Variants in PHACTR1 observed in about 807,000 individuals in gnomAD.
PHACTR1 encodes the protein phosphatase and actin regulator 1, also known as RPEL repeat containing 1.
A neutral mutation model predicts 69.2 loss-of-function variants in PHACTR1; 16 were observed. That is an observed-to-expected ratio of 0.23 (90% CI 0.16 to 0.35). The LOEUF is 0.35. PHACTR1 is among the 10% of genes least tolerant of loss of function. The pLI, the probability that PHACTR1 is intolerant of heterozygous loss-of-function variation, is 1.00. For missense variants in PHACTR1, 510 were observed against 734.7 expected, an observed-to-expected ratio of 0.69 and a Z score of 3.54; for synonymous variants, 312 against 284.5, an observed-to-expected ratio of 1.10 and a Z score of -0.97.
At chr6:12,965,451 C>CATTTTTTT (rs60864787) in intron 4 of PHACTR1, among the ~76,000 whole-genome samples, 13 of 131,956 alleles carry the variant, frequency 9.9e-5, no homozygotes, top group African/African-American at 1.7e-4. Flanking sequence ...TATTTTGTGC[C>CATTTTTTT]TTTTTTTTTT....
chr6:13,062,614 G>A (rs1176162268), intron 5 of PHACTR1, among the ~76,000 whole-genome samples: 4 of 152,190 alleles, frequency 2.6e-5, no homozygotes, highest in Non-Finnish European at 4.4e-5. Context: ...TTCTGGAAGA[G>A]TCTGTCCCTG....
intron 4 of PHACTR1, among the ~76,000 whole-genome samples, chr6:12,821,715 A>G (rs965101602): frequency 2.0e-5 from 3 of 152,214 alleles, no homozygotes; most frequent in Non-Finnish European, 4.4e-5. Flanking sequence ...TTGACTGCCT[A>G]TTCTGGGCCA....
At chr6:13,286,345 A>T in intron 14 of PHACTR1, 123 bp downstream of exon 14, 1 of 763,644 alleles carries the variant, frequency 1.3e-6, no homozygotes, top group Non-Finnish European at 2.0e-6. Flanking sequence ...GGAAGATAGT[A>T]GGAAGGCAGG....
chr6:12,745,102 A>C (rs145495902), intron 3 of PHACTR1, among the ~76,000 whole-genome samples: 15 of 152,276 alleles, frequency 9.9e-5, no homozygotes, highest in African/African-American at 3.6e-4. Flanking sequence ...CTAGAAACAT[A>C]TTTTGAGTAA....
chr6:13,269,839 A>G (rs1456942193), intron 10 of PHACTR1, among the ~76,000 whole-genome samples: 1 of 152,222 alleles, frequency 6.6e-6, no homozygotes, highest in Non-Finnish European at 1.5e-5. Flanking sequence ...TGTCTCAAAA[A>G]AAGAAAAAAA....
intron 5 of PHACTR1, among the ~76,000 whole-genome samples, chr6:13,077,699 G>A (rs1810743604): frequency 2.6e-5 from 4 of 152,142 alleles, no homozygotes; most frequent in African/African-American, 9.7e-5. Context: ...ACAACCAACA[G>A]GAACAGGGGG....
intron 3 of PHACTR1, among the ~76,000 whole-genome samples, chr6:12,737,011 A>T (rs1764346701): frequency 6.8e-6 from 1 of 148,112 alleles, no homozygotes; most frequent in Non-Finnish European, 1.5e-5. Flanking sequence ...GTATATACAT[A>T]TACATATATA....
At chr6:13,154,255 C>T (rs1757857118) in intron 5 of PHACTR1, among the ~76,000 whole-genome samples, 1 of 152,158 alleles carries the variant, frequency 6.6e-6, no homozygotes, top group African/African-American at 2.4e-5. Flanking sequence ...ACCTCCACCT[C>T]CTGGGTTCAA....
At chr6:13,151,539 A>G (rs1399564577) in intron 5 of PHACTR1, among the ~76,000 whole-genome samples, 2 of 152,236 alleles carry the variant, frequency 1.3e-5, no homozygotes, top group East Asian at 3.8e-4. Context: ...CGATGTTTGT[A>G]TGCCACAATG....
At chr6:12,861,699 C>G (rs942581264) in intron 4 of PHACTR1, among the ~76,000 whole-genome samples, 1 of 152,170 alleles carries the variant, frequency 6.6e-6, no homozygotes, top group Admixed American at 6.5e-5. Flanking sequence ...TTTCTTTAGA[C>G]TGCAATTAAC....
rs538704507 is a variant in PHACTR1, at chr6:13,083,322, G to T, written c.415+29793G>T. 6.6e-5 allele frequency among the ~76,000 whole-genome samples: 10 copies of T among 152,248 alleles called. No homozygotes were observed. The South Asian group carries it at 2.1e-3, about 32-fold the overall frequency. ...GGTCTATATCTCTGTTTTGGTACCA[G>T]TACCATGCTGTTTTGGTTACTGTAG... On this transcript the variant is annotated intron_variant, in intron 5 of 14. Transcript: ENST00000332995.
chr6:13,019,839 C>T (rs552895521), intron 4 of PHACTR1, among the ~76,000 whole-genome samples: 3 of 152,306 alleles, frequency 2.0e-5, no homozygotes, highest in South Asian at 4.1e-4. Flanking sequence ...TCAATTTCTT[C>T]GGTTCACTAA....
chr6:12,890,607 T>C (rs1175373258), intron 4 of PHACTR1, among the ~76,000 whole-genome samples: 1 of 152,162 alleles, frequency 6.6e-6, no homozygotes, highest in Non-Finnish European at 1.5e-5. Context: ...CATTCCCTTC[T>C]TAGGGCCTTT....
chr6:12,845,438 C>T (rs1016317984), intron 4 of PHACTR1, among the ~76,000 whole-genome samples: 1 of 69,478 alleles, frequency 1.4e-5, no homozygotes, highest in African/African-American at 4.8e-5. Flanking sequence ...CACCCCCCCC[C>T]CCCCCGCCCT....
At chr6:13,175,219 G>T (rs1431237127) in intron 6 of PHACTR1, among the ~76,000 whole-genome samples, 1 of 152,158 alleles carries the variant, frequency 6.6e-6, no homozygotes, top group Non-Finnish European at 1.5e-5. Context: ...CGTATGTCAG[G>T]CAAGAAAAAG....
At chr6:12,834,940 T>C (rs1561928901) in intron 4 of PHACTR1, among the ~76,000 whole-genome samples, 2 of 152,124 alleles carry the variant, frequency 1.3e-5, no homozygotes, top group African/African-American at 2.4e-5. Context: ...AATACCCTCT[T>C]CGTAAAAATG....
chr6:13,042,834 T>C (rs1337859112), intron 4 of PHACTR1, among the ~76,000 whole-genome samples: 1 of 152,192 alleles, frequency 6.6e-6, no homozygotes. Flanking sequence ...CTATTTATCT[T>C]TATAAGTCTG....
intron 4 of PHACTR1, among the ~76,000 whole-genome samples, chr6:12,754,246 T>C (rs554030500): frequency 6.6e-6 from 1 of 151,902 alleles, no homozygotes; most frequent in East Asian, 1.9e-4. Context: ...GTGCTGGGAT[T>C]ACAGGTGTGA....
chr6:13,218,900 AGAGAAGAGAAGAG>A, intron 8 of PHACTR1, among the ~76,000 whole-genome samples: 2 of 64,138 alleles, frequency 3.1e-5, no homozygotes, highest in Non-Finnish European at 7.4e-5. Context: ...AGAGAAGAGA[AGAGAAGAGAAGAG>A]AAAAGGTAGA....
Sources: allele counts gnomAD v4.1 joint callset (sites outside exome capture counted in the v4.1 genomes callset), GRCh38; gene constraint gnomAD v4.1.1; transcripts MANE v1.5; gene names NCBI Gene and HGNC (gene_info 2026-07-23, HGNC 2026-07-21).